SEC31A: variants seen among roughly 807,000 people sequenced by gnomAD.
SEC31A encodes SEC31 homolog A, COPII component, also known as protein transport protein Sec31A.
A neutral mutation model predicts 151.0 loss-of-function variants in SEC31A; 70 were observed. The observed-to-expected ratio is 0.46, with a 90% CI of 0.38 to 0.57. The LOEUF (loss-of-function observed/expected upper bound fraction) is 0.57, where lower values mean the gene tolerates loss of function less well. Ranked by LOEUF, SEC31A falls within the 20% of genes least tolerant of loss-of-function variation. The probability of loss-of-function intolerance (pLI) is 0.00; values close to 1 mark genes in which losing one functional copy is unlikely to be tolerated. For synonymous variants in SEC31A, 475 were observed against 505.9 expected (o/e 0.94, Z 0.82); for missense variants, 1,330 against 1,471.2 (o/e 0.90, Z 1.57).
intron 3 of SEC31A, 143 bp from the exon 4 acceptor site, chr4:82,879,071 G>A (rs1738660909): frequency 2.5e-5 from 16 of 648,472 alleles, no homozygotes; most frequent in Non-Finnish European, 4.0e-5. Flanking sequence ...AACTATGTAT[G>A]ACTTTGGTGT....
intron 20 of SEC31A, among the ~76,000 whole-genome samples, chr4:82,848,313 C>CA (rs10655108): frequency 0.67 from 95,094 of 142,332 alleles, 33,898 homozygotes; most frequent in Non-Finnish European, 0.79. Context: ...CTAAATTGTC[C>CA]AAAAAAAAAA....
rs755063850 is a variant in SEC31A, at chr4:82,866,872, C to T, written c.1133G>A (p.Ser378Asn). The T allele has an allele frequency of 2.5e-6, 4 of 1,614,124 alleles. No individual in the cohort carries two copies. Among genetic ancestry groups the T allele is most frequent in the East Asian group, 2.2e-5 (1 of 44,876 alleles). Residue 378 changes from serine to asparagine, a missense_variant, in exon 10 of 27, where the codon AGT becomes AAT. Coordinates refer to ENST00000395310, the MANE Select transcript of SEC31A (RefSeq NM_001077207.4). ...CGGCTTCTTCAGAGGCAGCACTATA[C>T]TATGCTGAGCAGTCTGCTGTGGAAT... ...LQIPQQTAQH[S>N]IVLPLKKPPK... is the part of the protein sequence containing the mutation.
At chr4:82,898,891 G>A (rs1464734602) in intron 3 of SEC31A, among the ~76,000 whole-genome samples, 1 of 151,944 alleles carries the variant, frequency 6.6e-6, no homozygotes, top group Non-Finnish European at 1.5e-5. Context: ...TCAGGAAAAT[G>A]AAAACATTTG....
intron 3 of SEC31A, among the ~76,000 whole-genome samples, chr4:82,899,333 C>A (rs568700096): frequency 6.6e-6 from 1 of 152,278 alleles, no homozygotes; most frequent in South Asian, 2.1e-4. Context: ...CACTTTAAAC[C>A]AATTAGTTGT....
Position 82,878,989 on chromosome 4 carries a change from T to C in SEC31A, c.204-61A>G, listed in dbSNP as rs1464388836. 2.0e-5 allele frequency: 26 copies of C among 1,305,190 alleles called. 1 individual carries two copies. The South Asian group carries it at 2.7e-4, about 14-fold the overall frequency. The allele number at this position is 1,305,190 out of a possible 1,614,324, so 80.9% of individuals were successfully genotyped here. A position where few individuals can be genotyped will look rare whatever the true frequency, so the allele number is the denominator to read the frequency against. On this transcript the variant is annotated intron_variant, in intron 3 of 26. Coordinates refer to ENST00000395310, the MANE Select transcript of SEC31A (RefSeq NM_001077207.4). ...AAGTCAAATAAATGTAGACAAAAAATTGAAATTATACACTTAATTTTTAAT... is the reference window on the plus strand; with the variant it reads ...AAGTCAAATAAATGTAGACAAAAAACTGAAATTATACACTTAATTTTTAAT...
rs989890990 is a variant in SEC31A at position 82,870,399 on chromosome 4, T to C, written c.808A>G (p.Met270Val). 7 of 1,613,608 alleles carry C rather than the reference T, an allele frequency of 4.3e-6. No homozygotes were observed. Among genetic ancestry groups the C allele is most frequent in the Middle Eastern group, 1.6e-4 (1 of 6,084 alleles). Residue 270 changes from methionine (M) to valine (V), a missense_variant, in exon 8 of 27, where the codon ATG becomes GTG. Transcript: ENST00000395310. Reference protein sequence around the residue: ...ARGILAIAWSMADPELLLSCG... With the variant: ...ARGILAIAWSVADPELLLSCG... ...CTCAGTAACAATTCAGGATCTGCCA[T>C]GCTCCAAGCAATTGCCAAAATCCCC...
At position 82,861,743 on chromosome 4, in the gene SEC31A, A is replaced by T. The variant is rs140484948; in HGVS notation, c.1549-35T>A. 1.0e-5 allele frequency: 15 copies of T among 1,442,172 alleles called. No individual in the cohort carries two copies. In the East Asian group the frequency reaches 3.4e-4, roughly 33 times the overall value. The allele number at this position is 1,442,172 out of a possible 1,614,324, so 89.3% of individuals were successfully genotyped here. A position where few individuals can be genotyped will look rare whatever the true frequency, so the allele number is the denominator to read the frequency against. On this transcript the variant is annotated intron_variant, in intron 13 of 26. Transcript: ENST00000395310. The stretch of plus-strand genomic sequence containing the variant: ...ACAAAACAATTACAGGGGAAGGTGA[A>T]GAATGTAGTATTAAAAGGCTATTAG...
chr4:82,876,550 T>A (rs376773129), intron 4 of SEC31A, among the ~76,000 whole-genome samples: 2 of 152,236 alleles, frequency 1.3e-5, no homozygotes, highest in African/African-American at 2.4e-5. Context: ...AACTGTGGCA[T>A]CTTTCTCAGG....
chr4:82,877,278 G>T (rs1274376674), intron 4 of SEC31A, among the ~76,000 whole-genome samples: 1 of 151,634 alleles, frequency 6.6e-6, no homozygotes, highest in Admixed American at 6.6e-5. Flanking sequence ...TTTCTGTATT[G>T]CTATACCCTA....
intron 1 of SEC31A, among the ~76,000 whole-genome samples, chr4:82,886,329 CT>C (rs1740701837): frequency 6.6e-6 from 1 of 152,142 alleles, no homozygotes; most frequent in East Asian, 1.9e-4. Flanking sequence ...AGCTATGATA[CT>C]TTGGACACAT....
chr4:82,884,136 A>G (rs894339796), intron 1 of SEC31A, among the ~76,000 whole-genome samples: 6 of 151,536 alleles, frequency 4.0e-5, no homozygotes, highest in Non-Finnish European at 7.4e-5. Context: ...ACAGGCACAC[A>G]CCACCACATC....
intron 3 of SEC31A, among the ~76,000 whole-genome samples, chr4:82,879,504 T>C (rs1738791308): frequency 6.6e-6 from 1 of 152,126 alleles, no homozygotes; most frequent in Admixed American, 6.6e-5. Context: ...TTATAACAAG[T>C]ACCCCTACTA....
At chr4:82,837,284 C>T (rs575286692) in intron 22 of SEC31A, among the ~76,000 whole-genome samples, 95 of 146,760 alleles carry the variant, frequency 6.5e-4, no homozygotes, top group Admixed American at 2.1e-3. Context: ...ATAAATAAAC[C>T]TAAATTAATA....
At chr4:82,851,176 T>C (rs1731368218) in intron 19 of SEC31A, among the ~76,000 whole-genome samples, 2 of 152,248 alleles carry the variant, frequency 1.3e-5, no homozygotes, top group Non-Finnish European at 2.9e-5. Context: ...GTCTTTTCCC[T>C]GTTCATTTTC....
intron 16 of SEC31A, among the ~76,000 whole-genome samples, chr4:82,856,632 T>A (rs1732728530): frequency 6.6e-6 from 1 of 151,776 alleles, no homozygotes; most frequent in African/African-American, 2.4e-5. Flanking sequence ...ACGCCTGTAA[T>A]CCCAGCTACT....
upstream of SEC31A, chr4:82,893,712 G>A (rs1719940019): frequency 6.6e-6 from 1 of 152,044 alleles, no homozygotes; most frequent in Admixed American, 6.6e-5. Context: ...ACATATTCAA[G>A]GAGACTTCAA....
intron 21 of SEC31A, 99 bp from the exon 22 acceptor site, chr4:82,842,580 T>G: frequency 1.1e-6 from 1 of 914,876 alleles, no homozygotes; most frequent in Non-Finnish European, 1.6e-6. Context: ...GAAATGATTT[T>G]AATCAAAATA....
At chr4:82,844,156 G>A (rs1729525437) in intron 21 of SEC31A, 1 of 400,762 alleles carries the variant, frequency 2.5e-6, no homozygotes, top group Admixed American at 4.4e-5. Context: ...AGTAATGGCT[G>A]AGGAACAGGA....
chr4:82,857,203 C>T (rs957287796), intron 15 of SEC31A, 73 bp from the exon 16 acceptor site: 2 of 1,293,892 alleles, frequency 1.5e-6, no homozygotes, highest in African/African-American at 3.0e-5. Flanking sequence ...AGTACTACAT[C>T]TATCAATTTT....
Sources: allele counts gnomAD v4.1 joint callset (sites outside exome capture counted in the v4.1 genomes callset), GRCh38; gene constraint gnomAD v4.1.1; transcripts MANE v1.5; gene names NCBI Gene and HGNC (gene_info 2026-07-23, HGNC 2026-07-21).